Variants in SLC27A6 observed in about 807,000 individuals in gnomAD.
SLC27A6 encodes long-chain fatty acid transport protein 6.
Under a neutral mutation model 63.9 loss-of-function variants are expected in SLC27A6, and 74 were observed. That is an observed-to-expected ratio of 1.16 (90% CI 0.96 to 1.40). The LOEUF (loss-of-function observed/expected upper bound fraction) is 1.40, where lower values mean the gene tolerates loss of function less well. Among genes scored for constraint, SLC27A6 ranks in the 40% most tolerant of loss-of-function variants. The pLI is 0.00. For missense variants in SLC27A6, 794 were observed against 732.9 expected (o/e 1.08, Z -0.96); for synonymous variants, 287 against 260.8 (o/e 1.10, Z -0.97).
Position 128,966,405 on chromosome 5 carries a change from A to C in SLC27A6, c.268A>C (p.Ser90Arg). 6.2e-7 allele frequency: 1 copy of C among 1,611,182 alleles called. No homozygotes were observed. ...YTYQDVDKRS[S>R]RVAHVFLNHS... The stretch of plus-strand genomic sequence containing the variant: ...CTATCAGGATGTAGACAAAAGGAGC[A>C]GCAGAGTGGCCCATGTCTTCCTGAA... The change falls in exon 1 of 10, where the codon AGC becomes CGC. Residue 90 changes from serine to arginine, a missense_variant. By Grantham distance (110) the Ser-to-Arg change is moderately radical. Transcript: ENST00000262462.
intron 1 of SLC27A6, among the ~76,000 whole-genome samples, chr5:128,969,618 G>A (rs920551057): frequency 1.3e-5 from 2 of 152,074 alleles, no homozygotes; most frequent in African/African-American, 4.8e-5. Flanking sequence ...TTGATTTTCT[G>A]TCCTGAGACT....
At chr5:128,987,704 G>A (rs898467508) in intron 2 of SLC27A6, among the ~76,000 whole-genome samples, 4 of 151,976 alleles carry the variant, frequency 2.6e-5, no homozygotes, top group African/African-American at 9.7e-5. Context: ...AAGGAAAACA[G>A]GATAGGCAAC....
intron 9 of SLC27A6, among the ~76,000 whole-genome samples, chr5:129,031,418 T>C (rs868815766): frequency 2.6e-5 from 4 of 152,078 alleles, no homozygotes; most frequent in Admixed American, 6.6e-5. Flanking sequence ...AAAAATATAA[T>C]ATTCAGTGTG....
At chr5:128,991,369 C>T (rs1410257172) in intron 4 of SLC27A6, among the ~76,000 whole-genome samples, 1 of 152,142 alleles carries the variant, frequency 6.6e-6, no homozygotes, top group East Asian at 1.9e-4. Context: ...ATTTAGCTGA[C>T]TTACAAAGAT....
At chr5:128,972,274 C>T (rs946295539) in intron 1 of SLC27A6, among the ~76,000 whole-genome samples, 9 of 152,042 alleles carry the variant, frequency 5.9e-5, no homozygotes, top group Admixed American at 1.3e-4. Flanking sequence ...ATCTTTGTGG[C>T]GTTGTCTGTA....
chr5:129,007,171 C>T (rs931331351), intron 4 of SLC27A6, among the ~76,000 whole-genome samples: 1 of 151,888 alleles, frequency 6.6e-6, no homozygotes, highest in Non-Finnish European at 1.5e-5. Flanking sequence ...TTGAATGTGG[C>T]TGGGCACAAT....
intron 2 of SLC27A6, among the ~76,000 whole-genome samples, chr5:128,985,825 A>T (rs1750768189): frequency 6.6e-6 from 1 of 152,242 alleles, no homozygotes; most frequent in South Asian, 2.1e-4. Context: ...AATCCTAAAC[A>T]TAATCCAGGT....
intron 1 of SLC27A6, among the ~76,000 whole-genome samples, chr5:128,976,349 A>G (rs1238545177): frequency 6.6e-6 from 1 of 152,100 alleles, no homozygotes; most frequent in East Asian, 1.9e-4. Flanking sequence ...TCTCTACTAA[A>G]AATACAAAAT....
chr5:129,006,071 G>GTTTTTTTTTCTTTTTTTTTTTT (rs1751514314), intron 4 of SLC27A6, among the ~76,000 whole-genome samples: 2 of 60,148 alleles, frequency 3.3e-5, no homozygotes, highest in Non-Finnish European at 5.3e-5. Flanking sequence ...TGTGCACACT[G>GTTTTTTTTTCTTTTTTTTTTTT]TTTTTTTTTT....
intron 1 of SLC27A6, among the ~76,000 whole-genome samples, chr5:128,983,869 G>T (rs1165967704): frequency 6.6e-6 from 1 of 152,054 alleles, no homozygotes; most frequent in Admixed American, 6.6e-5. Flanking sequence ...TCCCTCAGAA[G>T]GATCCAAGAA....
chr5:129,009,117 T>G (rs1036546784), intron 4 of SLC27A6, among the ~76,000 whole-genome samples: 1 of 152,176 alleles, frequency 6.6e-6, no homozygotes, highest in African/African-American at 2.4e-5. Flanking sequence ...TCCGCCTGCC[T>G]TGGCCTCCCA....
At chr5:129,007,191 A>G (rs887228700) in intron 4 of SLC27A6, among the ~76,000 whole-genome samples, 1 of 152,102 alleles carries the variant, frequency 6.6e-6, no homozygotes, top group African/African-American at 2.4e-5. Flanking sequence ...TCCACCTGTA[A>G]TCCCAGCACT....
intron 1 of SLC27A6, among the ~76,000 whole-genome samples, chr5:128,973,269 A>C (rs181669840): frequency 8.5e-5 from 13 of 152,286 alleles, no homozygotes; most frequent in South Asian, 4.1e-4. Context: ...CTCAGATTTC[A>C]AACTCCCTGC....
At chr5:129,032,700 AT>A (rs1208863253) in intron 9 of SLC27A6, among the ~76,000 whole-genome samples, 1 of 151,934 alleles carries the variant, frequency 6.6e-6, no homozygotes, top group Non-Finnish European at 1.5e-5. Flanking sequence ...CTCTTATAGT[AT>A]TCTGCTTTTT....
At chr5:128,971,117 G>C (rs910660944) in intron 1 of SLC27A6, among the ~76,000 whole-genome samples, 18 of 152,226 alleles carry the variant, frequency 1.2e-4, no homozygotes, top group Non-Finnish European at 2.1e-4. Context: ...ACTATGGGCT[G>C]AGAGACAGTT....
At position 128,977,028 on chromosome 5, in the gene SLC27A6, C is replaced by T. The variant is rs1050953125; in HGVS notation, c.482-8105C>T. Reference sequence around the variant, plus strand: ...TGGGAGTGATGATTAGTAACATTGACATCAACACAACCAGGAAATCCCAAC... The same window carrying T: ...TGGGAGTGATGATTAGTAACATTGATATCAACACAACCAGGAAATCCCAAC... On this transcript the variant is annotated intron_variant, in intron 1 of 9. Transcript: ENST00000262462. Among the ~76,000 whole-genome samples, 13 of 152,290 alleles carry T rather than the reference C, an allele frequency of 8.5e-5. 1 individual carries two copies. The highest frequency in any genetic ancestry group is 3.1e-4 in the African/African-American group (13 of 41,558).
chr5:128,986,059 A>T (rs1750775564), intron 2 of SLC27A6, among the ~76,000 whole-genome samples: 1 of 152,226 alleles, frequency 6.6e-6, no homozygotes. Flanking sequence ...CACACCTGTA[A>T]TCACACACTT....
chr5:128,982,593 C>G (rs558640476), intron 1 of SLC27A6, among the ~76,000 whole-genome samples: 8 of 152,258 alleles, frequency 5.3e-5, no homozygotes, highest in Admixed American at 4.6e-4. Context: ...TGAGTCAGTT[C>G]AGAGATTTGC....
chr5:128,990,713 G>A (rs1015130480), intron 4 of SLC27A6, among the ~76,000 whole-genome samples: 1 of 152,190 alleles, frequency 6.6e-6, no homozygotes, highest in African/African-American at 2.4e-5. Flanking sequence ...CTTGGGCCAT[G>A]CGGTGAGTGT....
Sources: gnomAD v4.1 joint callset for allele counts (sites outside exome capture counted in the v4.1 genomes callset) on GRCh38, gnomAD v4.1.1 for gene constraint, MANE v1.5 for transcripts, NCBI Gene and HGNC (gene_info 2026-07-23, HGNC 2026-07-21) for gene names.